The following ADGRV1 variants were observed in gnomAD, a reference collection of about 807,000 sequenced individuals.
The protein encoded by ADGRV1 is G-protein coupled receptor 98.
A neutral mutation model predicts 596.2 loss-of-function variants in ADGRV1; 359 were observed. The ratio of observed to expected loss-of-function variants is 0.60; its 90% CI spans 0.55 to 0.66. The LOEUF is 0.66. Among genes scored for constraint, ADGRV1 ranks in the 30% least tolerant of loss-of-function variants. ADGRV1 has a pLI of 0.00. For missense variants in ADGRV1, 7,274 were observed against 7,575.6 expected (o/e 0.96, Z 1.48); for synonymous variants, 2,681 against 2,679.2 (o/e 1.00, Z -0.02).
intron 85 of ADGRV1, among the ~76,000 whole-genome samples, chr5:91,010,138 G>T (rs762374746): frequency 1.3e-5 from 2 of 152,046 alleles, no homozygotes; most frequent in Non-Finnish European, 2.9e-5. Flanking sequence ...GCCGGGTTAG[G>T]AAGTCTGTGT....
chr5:90,652,587 T>A (rs1372606609), intron 19 of ADGRV1, 24 bp downstream of exon 19: 14 of 1,443,566 alleles, frequency 9.7e-6, no homozygotes, highest in Non-Finnish European at 1.1e-5. Flanking sequence ...CCATGTCTTA[T>A]TTTATTTCCA....
At chr5:90,691,132 G>A in intron 31 of ADGRV1, 91 bp downstream of exon 31, 1 of 1,481,544 alleles carries the variant, frequency 6.7e-7, no homozygotes, top group Middle Eastern at 1.7e-4. Flanking sequence ...TTTTGGAGAG[G>A]ATGTCAAATA....
chr5:91,126,475 C>T (rs1582135890), intron 87 of ADGRV1, among the ~76,000 whole-genome samples: 1 of 152,200 alleles, frequency 6.6e-6, no homozygotes. Flanking sequence ...CTAAAGGTTA[C>T]ATGCTTTGCC....
chr5:91,071,310 A>G (rs1472696465), intron 85 of ADGRV1, among the ~76,000 whole-genome samples: 1 of 152,172 alleles, frequency 6.6e-6, no homozygotes, highest in Non-Finnish European at 1.5e-5. Context: ...CATCAGCCCC[A>G]TGGCCATAAA....
chr5:90,639,071 AAC>A (rs67813883), intron 11 of ADGRV1, among the ~76,000 whole-genome samples: 153 of 147,950 alleles, frequency 1.0e-3, no homozygotes, highest in Middle Eastern at 0.01. Flanking sequence ...ACCAATTTAC[AAC>A]ACACACACAC....
intron 84 of ADGRV1, among the ~76,000 whole-genome samples, chr5:90,970,245 G>A (rs565564068): frequency 1.3e-5 from 2 of 152,324 alleles, no homozygotes; most frequent in Non-Finnish European, 2.9e-5. Flanking sequence ...ACTGGGTGGA[G>A]CCCACTGCAG....
intron 73 of ADGRV1, among the ~76,000 whole-genome samples, chr5:90,810,024 T>C (rs967269066): frequency 6.6e-6 from 1 of 152,198 alleles, no homozygotes; most frequent in African/African-American, 2.4e-5. Context: ...GACTTGTTAG[T>C]TCCTGTCCCT....
chr5:91,057,957 T>A (rs1225415904), intron 85 of ADGRV1, among the ~76,000 whole-genome samples: 1 of 152,238 alleles, frequency 6.6e-6, no homozygotes, highest in African/African-American at 2.4e-5. Flanking sequence ...TTTAGTGTGA[T>A]GTTCACTAAA....
In ADGRV1 at chr5:90,755,128, A is replaced by C. The variant is rs769571321; in HGVS notation, c.11523A>C (p.Thr3841=). The stretch of plus-strand genomic sequence containing the variant: ...ATGAAGATTATGTATTGCAAGAAAC[A>C]ATAATAATAATGAAAGAAAACATAA... ...TENEDYVLQE[T]IIIMKENIKE... The change falls in exon 55 of 90, where the codon ACA becomes ACC. Residue 3841 remains threonine, a synonymous_variant. Coordinates refer to ENST00000405460, the MANE Select transcript of ADGRV1 (RefSeq NM_032119.4). The C allele has an allele frequency of 2.5e-5, 41 of 1,610,600 alleles. No individual in the cohort carries two copies.
chr5:90,817,960 G>A (rs2150265253), intron 75 of ADGRV1, among the ~76,000 whole-genome samples: 1 of 152,238 alleles, frequency 6.6e-6, no homozygotes, highest in South Asian at 2.1e-4. Context: ...GAAAGTCATT[G>A]GTAGCTTGAT....
intron 83 of ADGRV1, among the ~76,000 whole-genome samples, chr5:90,889,523 G>C (rs572222733): frequency 2.0e-5 from 3 of 151,980 alleles, no homozygotes; most frequent in Non-Finnish European, 4.4e-5. Flanking sequence ...CATTTTTGTT[G>C]ATAGTCTGTT....
At chr5:90,605,612 C>T (rs2152032530) in intron 1 of ADGRV1, among the ~76,000 whole-genome samples, 1 of 152,008 alleles carries the variant, frequency 6.6e-6, no homozygotes, top group South Asian at 2.1e-4. Flanking sequence ...GGTTACTTTT[C>T]TGGAAAAAAT....
intron 83 of ADGRV1, among the ~76,000 whole-genome samples, chr5:90,869,276 A>T (rs1461246082): frequency 6.6e-6 from 1 of 152,252 alleles, no homozygotes; most frequent in Non-Finnish European, 1.5e-5. Flanking sequence ...GAACAAAGAC[A>T]TCTAAGTTAT....
chr5:90,797,193 CAAGACCCATCTTCAG>C (rs1760820611), intron 70 of ADGRV1, among the ~76,000 whole-genome samples: 1 of 144,620 alleles, frequency 6.9e-6, no homozygotes, highest in Non-Finnish European at 1.5e-5. Context: ...GATAAAGAGT[CAAGACCCATCTTCAG>C]GAGACCCATC....
intron 84 of ADGRV1, 79 bp downstream of exon 84, chr5:90,965,610 T>A (rs1403597146): frequency 1.4e-6 from 1 of 724,412 alleles, no homozygotes; most frequent in Admixed American, 2.5e-5. Context: ...TCTGATACTC[T>A]GTACTGAAGT....
chr5:91,087,120 T>TTTC (rs1239547733), intron 86 of ADGRV1, among the ~76,000 whole-genome samples: 1 of 152,202 alleles, frequency 6.6e-6, no homozygotes, highest in Non-Finnish European at 1.5e-5. Context: ...GCCAAAATTC[T>TTTC]TTCTTCTTTC....
chr5:91,129,158 A>T (rs998558714), intron 87 of ADGRV1, among the ~76,000 whole-genome samples: 1 of 152,218 alleles, frequency 6.6e-6, no homozygotes, highest in Non-Finnish European at 1.5e-5. Flanking sequence ...CTTTCTTTGT[A>T]AACAAATATG....
chr5:90,821,856 C>G (rs1473608799), intron 75 of ADGRV1, among the ~76,000 whole-genome samples: 5 of 152,140 alleles, frequency 3.3e-5, no homozygotes, highest in Admixed American at 1.3e-4. Flanking sequence ...GCAGAGGTTA[C>G]TGCTGTCTTT....
intron 50 of ADGRV1, among the ~76,000 whole-genome samples, chr5:90,739,217 C>G (rs1483402342): frequency 6.6e-6 from 1 of 151,894 alleles, no homozygotes; most frequent in Non-Finnish European, 1.5e-5. Context: ...ATTGCATTTA[C>G]TGTTTCATCT....
Sources: allele counts gnomAD v4.1 joint callset (sites outside exome capture counted in the v4.1 genomes callset), GRCh38; gene constraint gnomAD v4.1.1; transcripts MANE v1.5; gene names NCBI Gene and HGNC (gene_info 2026-07-23, HGNC 2026-07-21).